The following TTC29 variants were observed in gnomAD, a reference collection of about 807,000 sequenced individuals.
TTC29 encodes tetratricopeptide repeat protein 29.
In TTC29, 49 loss-of-function variants were observed where a neutral mutation model predicts 58.1. The observed-to-expected ratio is 0.84, with a 90% CI of 0.67 to 1.07. The LOEUF is 1.07. TTC29 is among the 50% of genes least tolerant of loss of function. TTC29 has a pLI of 0.00. For synonymous variants in TTC29, 209 were observed against 196.8 expected (o/e 1.06, Z -0.52); for missense variants, 582 against 555.6 (o/e 1.05, Z -0.48).
At chr4:146,897,493 C>T (rs780775684) in intron 6 of TTC29, among the ~76,000 whole-genome samples, 14 of 152,116 alleles carry the variant, frequency 9.2e-5, no homozygotes, top group Non-Finnish European at 2.1e-4. Context: ...ATGACTGCAA[C>T]CACAGGGCCT....
intron 4 of TTC29, among the ~76,000 whole-genome samples, chr4:146,909,661 C>T (rs575069661): frequency 6.6e-6 from 1 of 152,236 alleles, no homozygotes; most frequent in African/African-American, 2.4e-5. Flanking sequence ...AGTAGTTTCA[C>T]TGTATGTTAC....
At chr4:146,884,397 G>A (rs1731839869) in intron 6 of TTC29, among the ~76,000 whole-genome samples, 1 of 152,104 alleles carries the variant, frequency 6.6e-6, no homozygotes, top group Admixed American at 6.6e-5. Context: ...AAATCACACA[G>A]ACATTAAAGA....
At chr4:146,732,075 T>G (rs140679041) in intron 11 of TTC29, among the ~76,000 whole-genome samples, 45 of 152,272 alleles carry the variant, frequency 3.0e-4, no homozygotes, top group African/African-American at 9.4e-4. Flanking sequence ...TTGTTTGTAT[T>G]TTTGATATGT....
At chr4:146,830,597 A>G (rs1393087513) in intron 9 of TTC29, among the ~76,000 whole-genome samples, 1 of 152,204 alleles carries the variant, frequency 6.6e-6, no homozygotes, top group Non-Finnish European at 1.5e-5. Context: ...AGGTTAGGAA[A>G]AAGAGATTTA....
chr4:146,718,519 G>C (rs1743106127), intron 11 of TTC29, among the ~76,000 whole-genome samples: 1 of 152,120 alleles, frequency 6.6e-6, no homozygotes, highest in Admixed American at 6.6e-5. Context: ...TTTTGAGAGA[G>C]ATGTCTATTC....
Position 146,833,831 on chromosome 4 carries a change from C to T in TTC29, c.952G>A (p.Glu318Lys). 1 of 1,613,248 alleles carries T rather than the reference C, an allele frequency of 6.2e-7. No individual in the cohort carries two copies. Among genetic ancestry groups the T allele is most frequent in the Non-Finnish European group, 8.5e-7 (1 of 1,179,468 alleles). Residue 318 changes from glutamate (E) to lysine (K), a missense_variant, in exon 9 of 13, where the codon GAA (glutamate) becomes AAA (lysine). Glu to Lys is a moderately conservative substitution (Grantham distance 56). Coordinates refer to ENST00000325106, the MANE Select transcript of TTC29 (RefSeq NM_031956.4). ...CTCTGCAGGACCTTGGCTATGGCTTCATAGCCTCTCCCCAGACTGAGATCA... is the reference window on the plus strand; with the variant it reads ...CTCTGCAGGACCTTGGCTATGGCTTTATAGCCTCTCCCCAGACTGAGATCA... ...DDDLSLGRGY[E>K]AIAKVLQSQG...
At chr4:146,757,867 C>T (rs1378152209) in intron 11 of TTC29, among the ~76,000 whole-genome samples, 1 of 151,816 alleles carries the variant, frequency 6.6e-6, no homozygotes, top group Non-Finnish European at 1.5e-5. Flanking sequence ...CTCTTTAAAG[C>T]ATAAATCACA....
intron 11 of TTC29, among the ~76,000 whole-genome samples, chr4:146,778,779 G>T (rs1241974835): frequency 1.3e-5 from 2 of 151,788 alleles, no homozygotes; most frequent in Non-Finnish European, 2.9e-5. Context: ...GAAACAACAG[G>T]TATACATGGA....
chr4:146,836,865 G>A (rs776436409), intron 8 of TTC29, among the ~76,000 whole-genome samples: 6 of 152,100 alleles, frequency 3.9e-5, no homozygotes, highest in Non-Finnish European at 7.4e-5. Context: ...AAAGGTTGTG[G>A]AGAAAAGAGA....
At chr4:146,737,592 G>GT (rs894902457) in intron 11 of TTC29, among the ~76,000 whole-genome samples, 2 of 82,864 alleles carry the variant, frequency 2.4e-5, no homozygotes, top group Non-Finnish European at 4.9e-5. Flanking sequence ...AGTAGCCCTG[G>GT]GGGGGGGGGG....
At chr4:146,766,432 C>G (rs1747326317) in intron 11 of TTC29, among the ~76,000 whole-genome samples, 2 of 152,044 alleles carry the variant, frequency 1.3e-5, no homozygotes, top group South Asian at 2.1e-4. Context: ...ATAGTTCTTT[C>G]TGACATTCTT....
chr4:146,938,848 C>A (rs574750905), intron 3 of TTC29, among the ~76,000 whole-genome samples: 1 of 152,230 alleles, frequency 6.6e-6, no homozygotes, highest in South Asian at 2.1e-4. Context: ...CGTATGCAAA[C>A]TATTTATATT....
chr4:146,746,730 T>A (rs746624907), intron 11 of TTC29, among the ~76,000 whole-genome samples: 1 of 152,128 alleles, frequency 6.6e-6, no homozygotes, highest in South Asian at 2.1e-4. Flanking sequence ...TCCAGTTTTT[T>A]AGGTTGGTCT....
At chr4:146,934,700 G>A (rs1306104785) in intron 4 of TTC29, among the ~76,000 whole-genome samples, 1 of 152,146 alleles carries the variant, frequency 6.6e-6, no homozygotes, top group Non-Finnish European at 1.5e-5. Context: ...AAAGAAGACT[G>A]AAGTGCTCCA....
chr4:146,865,514 G>T, intron 8 of TTC29, among the ~76,000 whole-genome samples: 1 of 152,200 alleles, frequency 6.6e-6, no homozygotes, highest in East Asian at 1.9e-4. Flanking sequence ...AACAATAGAC[G>T]ACTAGAGGGA....
At position 146,728,984 on chromosome 4, in the gene TTC29, C is replaced by G. The variant is rs1384995235; in HGVS notation, c.1331-21433G>C. On this transcript the variant is annotated intron_variant, in intron 11 of 12. Coordinates refer to ENST00000325106, the MANE Select transcript of TTC29 (RefSeq NM_031956.4). ...CTTTGTTTTGTTTTCTGCTGTATCC[C>G]CAGTGCCTCCCTCAGCCAATGCCAG... Among the ~76,000 whole-genome samples the G allele has an allele frequency of 4.0e-5, 6 of 150,668 alleles. No homozygotes were observed. In the East Asian group the frequency reaches 1.2e-3, roughly 30 times the overall value.
chr4:146,940,030 G>GA, intron 2 of TTC29, 129 bp from the exon 3 acceptor site: 1 of 799,572 alleles, frequency 1.3e-6, no homozygotes, highest in Non-Finnish European at 1.8e-6. Context: ...CTACAGCTGT[G>GA]TTATTCGGGA....
At chr4:146,784,192 T>C (rs1460954824) in intron 11 of TTC29, among the ~76,000 whole-genome samples, 1 of 151,896 alleles carries the variant, frequency 6.6e-6, no homozygotes, top group Non-Finnish European at 1.5e-5. Flanking sequence ...GACATAAATA[T>C]AGTGTATAAT....
chr4:146,812,627 C>CA (rs1223975075), intron 10 of TTC29: 1 of 152,060 alleles, frequency 6.6e-6, no homozygotes, highest in Non-Finnish European at 1.5e-5. Flanking sequence ...CTTAGTATTC[C>CA]ATCTGTAGAT....
Sources: gnomAD v4.1 joint callset for allele counts (sites outside exome capture counted in the v4.1 genomes callset) on GRCh38, gnomAD v4.1.1 for gene constraint, MANE v1.5 for transcripts, NCBI Gene and HGNC (gene_info 2026-07-23, HGNC 2026-07-21) for gene names.